STARD13: variants seen among roughly 807,000 people sequenced by gnomAD.
The protein encoded by STARD13 is StAR related lipid transfer domain containing 13, also known as stAR-related lipid transfer protein 13.
A neutral mutation model predicts 106.4 loss-of-function variants in STARD13; 62 were observed. The ratio of observed to expected loss-of-function variants is 0.58; its 90% CI spans 0.48 to 0.72. STARD13 has a LOEUF of 0.72. STARD13 is among the 30% of genes least tolerant of loss of function. STARD13 has a pLI of 0.00. For synonymous variants in STARD13, 565 were observed against 553.0 expected (o/e 1.02, Z -0.31); for missense variants, 1,387 against 1,424.0 (o/e 0.97, Z 0.42).
the STARD13 span, among the ~76,000 whole-genome samples, chr13:33,541,772 C>A: frequency 6.6e-6 from 1 of 152,184 alleles, no homozygotes; most frequent in African/African-American, 2.4e-5. Flanking sequence ...GCACTTTGCA[C>A]AGATGACATT....
At chr13:33,418,703 C>A in the STARD13 span, among the ~76,000 whole-genome samples, 2 of 152,194 alleles carry the variant, frequency 1.3e-5, no homozygotes, top group Non-Finnish European at 2.9e-5. Flanking sequence ...CAACAGACAC[C>A]TCATACAGGC....
chr13:33,194,965 G>C (rs797198), intron 1 of STARD13, among the ~76,000 whole-genome samples: 57,129 of 152,058 alleles, frequency 0.38, 11,035 homozygotes, highest in East Asian at 0.55. Context: ...CAAGGAAAAA[G>C]TTGTTTTTGT....
At chr13:33,419,579 A>G in the STARD13 span, among the ~76,000 whole-genome samples, 4 of 152,240 alleles carry the variant, frequency 2.6e-5, no homozygotes, top group Non-Finnish European at 5.9e-5. Flanking sequence ...AAGGCAGGCC[A>G]ACATTCAAAT....
At chr13:33,636,116 G>A in the STARD13 span, among the ~76,000 whole-genome samples, 1 of 148,098 alleles carries the variant, frequency 6.8e-6, no homozygotes, top group Non-Finnish European at 1.5e-5. Context: ...CACTAGCCTG[G>A]GTGACAGAGC....
the STARD13 span, among the ~76,000 whole-genome samples, chr13:33,596,073 A>C: frequency 6.6e-6 from 1 of 152,198 alleles, no homozygotes; most frequent in Non-Finnish European, 1.5e-5. Context: ...ATTATCCAAT[A>C]TGTGATTTCA....
chr13:33,241,742 G>A (rs1889518456), intron 1 of STARD13, among the ~76,000 whole-genome samples: 2 of 152,148 alleles, frequency 1.3e-5, no homozygotes, highest in African/African-American at 2.4e-5. Flanking sequence ...GGGTTTCGCA[G>A]TGTTGGCCGG....
chr13:33,116,479 G>A (rs1015059001), intron 8 of STARD13, among the ~76,000 whole-genome samples: 5 of 152,160 alleles, frequency 3.3e-5, no homozygotes, highest in African/African-American at 9.7e-5. Context: ...TGCTAAGCAC[G>A]GTGCCCAGTA....
intron 1 of STARD13, among the ~76,000 whole-genome samples, chr13:33,213,641 C>T (rs74423134): frequency 0.023 from 3,571 of 152,304 alleles, 68 homozygotes; most frequent in Non-Finnish European, 0.037. Context: ...AAACTACCTG[C>T]TGGGGCAAGC....
the STARD13 span, among the ~76,000 whole-genome samples, chr13:33,366,051 TAAAAG>T: frequency 6.6e-6 from 1 of 152,008 alleles, no homozygotes; most frequent in Admixed American, 6.5e-5. This position sits in a 1 kb window ranked among gnomAD's most constrained non-coding sequence, Gnocchi z 4.2. Context: ...CTTTTATCAC[TAAAAG>T]TGATATATAT....
chr13:33,630,554 T>C, the STARD13 span, among the ~76,000 whole-genome samples: 1 of 152,262 alleles, frequency 6.6e-6, no homozygotes, highest in East Asian at 1.9e-4. Context: ...TATTAGGCTC[T>C]GAACCACATT....
chr13:33,291,761 T>G (rs1293616350), intron 1 of STARD13, among the ~76,000 whole-genome samples: 2 of 152,220 alleles, frequency 1.3e-5, no homozygotes, highest in African/African-American at 4.8e-5. Context: ...TCTCGTGCTA[T>G]TTGTTATATA....
the STARD13 span, among the ~76,000 whole-genome samples, chr13:33,583,364 G>A: frequency 3.3e-5 from 5 of 152,240 alleles, no homozygotes; most frequent in South Asian, 2.1e-4. Context: ...TTATCCTACC[G>A]AAGGAAGTCT....
At chr13:33,475,657 T>C in the STARD13 span, among the ~76,000 whole-genome samples, 134 of 152,324 alleles carry the variant, frequency 8.8e-4, 1 homozygote, top group Non-Finnish European at 1.5e-3. Context: ...TTTTGTTATT[T>C]AGAAAAATAG....
intron 1 of STARD13, among the ~76,000 whole-genome samples, chr13:33,320,500 A>G (rs987688646): frequency 4.6e-5 from 7 of 152,248 alleles, no homozygotes; most frequent in African/African-American, 7.2e-5. Context: ...GCTAACTAGC[A>G]TGGAAAATGG....
intron 1 of STARD13, among the ~76,000 whole-genome samples, chr13:33,294,118 G>C (rs1340923158): frequency 3.3e-5 from 5 of 152,182 alleles, no homozygotes; most frequent in African/African-American, 1.2e-4. Context: ...GCTCCACAAA[G>C]AGGGGATAAA....
At chr13:33,285,807 C>T, upstream of STARD13, 2 of 1,408,166 alleles carry the variant, frequency 1.4e-6, no homozygotes, top group Non-Finnish European at 1.8e-6. Flanking sequence ...ACCCCCGGGG[C>T]CCTCACGTGA....
the STARD13 span, among the ~76,000 whole-genome samples, chr13:33,632,938 C>G: frequency 6.6e-6 from 1 of 151,750 alleles, no homozygotes; most frequent in African/African-American, 2.4e-5. Flanking sequence ...CCTGAATAAA[C>G]ATAGCATTAA....
intron 1 of STARD13, chr13:33,280,951 A>G (rs1891745146): frequency 2.0e-5 from 3 of 152,160 alleles, no homozygotes; most frequent in African/African-American, 7.2e-5. Context: ...CCACTTTACC[A>G]TTTCCTTGAG....
chr13:33,631,059 A>G, the STARD13 span, among the ~76,000 whole-genome samples: 1 of 152,248 alleles, frequency 6.6e-6, no homozygotes, highest in African/African-American at 2.4e-5. Flanking sequence ...CTGTCAGCCC[A>G]GTGTGCATTA....
Sources: gnomAD v4.1 joint callset for allele counts (sites outside exome capture counted in the v4.1 genomes callset) on GRCh38, gnomAD v4.1.1 for gene constraint, Gnocchi (gnomAD v3.1) non-coding constraint, MANE v1.5 for transcripts, NCBI Gene and HGNC (gene_info 2026-07-23, HGNC 2026-07-21) for gene names.